Variants in GCNT1 observed in about 807,000 individuals in gnomAD.
GCNT1 encodes the protein glucosaminyl (N-acetyl) transferase 1.
In GCNT1, 16 loss-of-function variants were observed where a neutral mutation model predicts 26.2. The observed-to-expected ratio is 0.61, with a 90% CI of 0.41 to 0.93. The LOEUF (loss-of-function observed/expected upper bound fraction) is 0.93. Among genes scored for constraint, GCNT1 ranks in the 40% least tolerant of loss-of-function variants. GCNT1 has a pLI of 0.00. For missense variants in GCNT1, 477 were observed against 526.7 expected, an observed-to-expected ratio of 0.91 and a Z score of 0.92; for synonymous variants, 183 against 190.8, an observed-to-expected ratio of 0.96 and a Z score of 0.34.
At chr9:76,457,806 A>G (rs1369400631), upstream of GCNT1, among the ~76,000 whole-genome samples, 1 of 152,156 alleles carries the variant, frequency 6.6e-6, no homozygotes, top group African/African-American at 2.4e-5. Context: ...TGCTCATGAA[A>G]AATTTCATGA....
the GCNT1 span, chr9:76,394,254 A>T: frequency 7.1e-7 from 1 of 1,403,704 alleles, no homozygotes; most frequent in Non-Finnish European, 9.7e-7. Flanking sequence ...CAGACCCCGG[A>T]CCAGCCGGGG....
upstream of GCNT1, among the ~76,000 whole-genome samples, chr9:76,419,005 G>A (rs1823155554): frequency 6.6e-6 from 1 of 152,196 alleles, no homozygotes; most frequent in Non-Finnish European, 1.5e-5. Flanking sequence ...CAAAATGTTA[G>A]TGGAGGCTGG....
intron 3 of GCNT1, among the ~76,000 whole-genome samples, chr9:76,501,385 G>A (rs1825063487): frequency 6.6e-6 from 1 of 152,120 alleles, no homozygotes; most frequent in Non-Finnish European, 1.5e-5. Flanking sequence ...TTGTGTTCCT[G>A]GAATTTGAAT....
the GCNT1 span, among the ~76,000 whole-genome samples, chr9:76,402,967 C>T: frequency 6.6e-6 from 1 of 152,124 alleles, no homozygotes; most frequent in Non-Finnish European, 1.5e-5. Context: ...CATGAGCCAC[C>T]GTGCCCAGCC....
intron 2 of GCNT1, among the ~76,000 whole-genome samples, chr9:76,497,464 A>G (rs747874605): frequency 6.6e-5 from 10 of 152,226 alleles, no homozygotes; most frequent in Non-Finnish European, 8.8e-5. Flanking sequence ...TAAATAGACA[A>G]AATCAAAAGC....
At chr9:76,426,199 C>G (rs529967616) in intron 1 of GCNT1, among the ~76,000 whole-genome samples, 1 of 152,132 alleles carries the variant, frequency 6.6e-6, no homozygotes, top group Non-Finnish European at 1.5e-5. Context: ...GTTCGTCCTG[C>G]GCTCAGGAAT....
At chr9:76,499,528 A>G (rs970616929) in intron 2 of GCNT1, among the ~76,000 whole-genome samples, 1 of 152,208 alleles carries the variant, frequency 6.6e-6, no homozygotes, top group African/African-American at 2.4e-5. Flanking sequence ...TTGTATAATC[A>G]CTTTTCTTTA....
chr9:76,414,840 G>A, the GCNT1 span, among the ~76,000 whole-genome samples: 4 of 152,142 alleles, frequency 2.6e-5, no homozygotes, highest in Non-Finnish European at 5.9e-5. Context: ...TGTTTCATCA[G>A]TAGGGTCTTT....
intron 1 of GCNT1, among the ~76,000 whole-genome samples, chr9:76,424,982 A>G (rs1823241585): frequency 1.3e-5 from 2 of 151,930 alleles, no homozygotes; most frequent in South Asian, 4.2e-4. Context: ...TACTAAAAAT[A>G]CAAAAAATTA....
Position 76,503,187 on chromosome 9 carries a change from C to T in GCNT1, c.806C>T (p.Thr269Ile), listed in dbSNP as rs913007014. 5 of 1,614,146 alleles carry T rather than the reference C, an allele frequency of 3.1e-6. No homozygotes were observed. Among genetic ancestry groups the T allele is most frequent in the Non-Finnish European group, 3.4e-6 (4 of 1,179,994 alleles). Residue 269 changes from threonine (T) to isoleucine (I), a missense_variant, in exon 4 of 4, where the codon ACA (threonine) becomes ATA (isoleucine). Thr to Ile is a moderately conservative substitution (Grantham distance 89). Transcript: ENST00000376730. ...GTCGTTAATGGAAAGCTGACAAACA[C>T]AGGGACTGTCAAAATGCTTCCTCCA... ...YEVVNGKLTN[T>I]GTVKMLPPLE...
intron 1 of GCNT1, among the ~76,000 whole-genome samples, chr9:76,434,379 C>T (rs181070832): frequency 1.1e-3 from 164 of 152,276 alleles, no homozygotes; most frequent in African/African-American, 3.8e-3. Flanking sequence ...TGGCTGGAGC[C>T]ATGGCAGAGG....
chr9:76,421,512 G>GA (rs771258109), intron 1 of GCNT1, among the ~76,000 whole-genome samples: 2 of 145,418 alleles, frequency 1.4e-5, no homozygotes, highest in Admixed American at 7.1e-5. Flanking sequence ...GCTGAGGCAC[G>GA]ATAATTGCTT....
At chr9:76,454,386 G>GAAAA (rs71372084), upstream of GCNT1, among the ~76,000 whole-genome samples, 23 of 39,606 alleles carry the variant, frequency 5.8e-4, 1 homozygote, top group Non-Finnish European at 8.9e-4. Flanking sequence ...TCTCAGAAAA[G>GAAAA]AAAAAAAAAA....
intron 1 of GCNT1, among the ~76,000 whole-genome samples, chr9:76,435,340 A>G (rs946754088): frequency 5.3e-5 from 8 of 152,250 alleles, no homozygotes; most frequent in African/African-American, 1.9e-4. Context: ...CTGGCCAGCA[A>G]TTATGGAAAA....
chr9:76,483,827 TG>T (rs1824490682), intron 2 of GCNT1, among the ~76,000 whole-genome samples: 1 of 152,074 alleles, frequency 6.6e-6, no homozygotes, highest in Non-Finnish European at 1.5e-5. Context: ...AAAAACTTTT[TG>T]TCGTGTGTGT....
At chr9:76,440,692 C>T (rs1206336608), upstream of GCNT1, among the ~76,000 whole-genome samples, 2 of 152,116 alleles carry the variant, frequency 1.3e-5, no homozygotes, top group African/African-American at 2.4e-5. Context: ...TCCACAAGAG[C>T]TTGTTTAGAG....
intron 1 of GCNT1, among the ~76,000 whole-genome samples, chr9:76,430,024 AT>A (rs1823314568): frequency 6.6e-6 from 1 of 152,036 alleles, no homozygotes; most frequent in Non-Finnish European, 1.5e-5. Flanking sequence ...TCAAGCCTCT[AT>A]TTTCATCACA....
Position 76,505,719 on chromosome 9 carries a change from G to T in GCNT1, c.*2051G>T. ...TAAGTTGTATGTATTTCTGAACTTGGCAAAATTGGAAATTAAAATTTTTAA... is the reference window on the plus strand; with the variant it reads ...TAAGTTGTATGTATTTCTGAACTTGTCAAAATTGGAAATTAAAATTTTTAA... On this transcript the variant is annotated 3_prime_UTR_variant, in exon 4 of 4. Transcript: ENST00000376730. The T allele has an allele frequency of 6.0e-6, 1 of 166,998 alleles. No homozygotes were observed. 10.3% of individuals were successfully genotyped at this position (166,998 alleles called of 1,614,324 possible).
intron 2 of GCNT1, among the ~76,000 whole-genome samples, chr9:76,478,219 A>G (rs555176631): frequency 3.3e-5 from 5 of 152,194 alleles, no homozygotes; most frequent in South Asian, 2.1e-4. Context: ...TGCTCTTCAC[A>G]ATAAATCTTG....
Sources: allele counts gnomAD v4.1 joint callset (sites outside exome capture counted in the v4.1 genomes callset), GRCh38; gene constraint gnomAD v4.1.1; transcripts MANE v1.5; gene names NCBI Gene and HGNC (gene_info 2026-07-23, HGNC 2026-07-21).